Variants in PAK1 observed in about 807,000 individuals in gnomAD.
The protein encoded by PAK1 is p21 (RAC1) activated kinase 1.
PAK1 carries 29 observed loss-of-function variants against 67.4 expected under a neutral mutation model. The ratio of observed to expected loss-of-function variants is 0.43; its 90% CI spans 0.32 to 0.59. The LOEUF is 0.59. Ranked by LOEUF, PAK1 falls within the 20% of genes least tolerant of loss-of-function variation. The pLI is 0.07. For missense variants in PAK1, 337 were observed against 670.7 expected (o/e 0.50, Z 5.50); for synonymous variants, 223 against 237.4 (o/e 0.94, Z 0.56).
chr11:77,407,221 CATCATAAGAAGTCACT>C (rs1305652745), intron 1 of PAK1, among the ~76,000 whole-genome samples: 2 of 152,118 alleles, frequency 1.3e-5, no homozygotes, highest in African/African-American at 4.8e-5. Flanking sequence ...TTTTGTGTTA[CATCATAAGAAGTCACT>C]AAAAGTATCT....
intron 1 of PAK1, among the ~76,000 whole-genome samples, chr11:77,439,500 G>C (rs1366294846): frequency 1.3e-5 from 2 of 152,134 alleles, no homozygotes; most frequent in East Asian, 1.9e-4. Context: ...GTTCAAACAT[G>C]GGTTAAAGGT....
At chr11:77,509,168 G>A in the PAK1 span, among the ~76,000 whole-genome samples, 1 of 151,608 alleles carries the variant, frequency 6.6e-6, no homozygotes, top group Non-Finnish European at 1.5e-5. Flanking sequence ...TGAGGCAGGA[G>A]AATGGCGTGA....
rs539062926 is a variant in PAK1, at chr11:77,430,087, G to A, written c.-21-37546C>T. On this transcript the variant is annotated intron_variant, in intron 1 of 14. Transcript: ENST00000356341. Reference sequence around the variant, plus strand: ...ACACAGTGAAGTTAAAGGTAAGACTGAGACTAGACTCTTTCTGAACCTCAT... The same window carrying A: ...ACACAGTGAAGTTAAAGGTAAGACTAAGACTAGACTCTTTCTGAACCTCAT... Among the ~76,000 whole-genome samples, 100 of 152,296 alleles carry A rather than the reference G, an allele frequency of 6.6e-4. 1 individual carries two copies. The highest frequency in any genetic ancestry group is 2.3e-3 in the African/African-American group (97 of 41,562).
chr11:77,520,835 G>A, the PAK1 span, among the ~76,000 whole-genome samples: 2 of 152,150 alleles, frequency 1.3e-5, no homozygotes, highest in East Asian at 1.9e-4. Context: ...TAGCAAATAC[G>A]CGGGGTATGT....
In PAK1 at chr11:77,379,728, G is replaced by T. The variant is rs191222101; in HGVS notation, c.291+166C>A. ...GGAACGGAGATGGAAAGGCTTCTCT[G>T]GATACAATTTTGGCGATGAAAGTGT... On this transcript the variant is annotated intron_variant, in intron 3 of 14. Transcript: ENST00000356341. Among the ~76,000 whole-genome samples the T allele has an allele frequency of 1.4e-4, 22 of 152,242 alleles. No homozygotes were observed. The East Asian group carries it at 4.1e-3, about 28-fold the overall frequency.
At chr11:77,456,422 A>C (rs895395958) in intron 1 of PAK1, among the ~76,000 whole-genome samples, 3 of 152,204 alleles carry the variant, frequency 2.0e-5, no homozygotes, top group Non-Finnish European at 2.9e-5. Context: ...TAATTCACCA[A>C]ATATTTATTA....
intron 8 of PAK1, among the ~76,000 whole-genome samples, chr11:77,349,960 C>A (rs142595777): frequency 6.6e-6 from 1 of 151,970 alleles, no homozygotes; most frequent in African/African-American, 2.4e-5. Context: ...GTTACATAGG[C>A]GTGTTCACTT....
intron 5 of PAK1, among the ~76,000 whole-genome samples, chr11:77,371,017 A>G (rs1948356676): frequency 6.6e-6 from 1 of 152,182 alleles, no homozygotes; most frequent in South Asian, 2.1e-4. Flanking sequence ...ACTTAACACT[A>G]TATTATAAAT....
chr11:77,489,904 C>T, the PAK1 span, among the ~76,000 whole-genome samples: 1 of 152,180 alleles, frequency 6.6e-6, no homozygotes, highest in African/African-American at 2.4e-5. Context: ...CTCTGCCTGG[C>T]CGCCTATCGT....
chr11:77,330,615 A>G (rs1229529392), intron 14 of PAK1, among the ~76,000 whole-genome samples: 8 of 152,210 alleles, frequency 5.3e-5, no homozygotes, highest in Admixed American at 4.6e-4. Flanking sequence ...CCTTCCTTAC[A>G]CCTTATACAA....
intron 2 of PAK1, among the ~76,000 whole-genome samples, chr11:77,390,292 CG>C (rs1009329221): frequency 6.6e-6 from 1 of 152,164 alleles, no homozygotes; most frequent in Non-Finnish European, 1.5e-5. Context: ...CTCCGCCTCC[CG>C]GGTTCAAGTG....
chr11:77,459,691 T>C (rs1026834858), intron 1 of PAK1, among the ~76,000 whole-genome samples: 4 of 114,078 alleles, frequency 3.5e-5, no homozygotes, highest in Admixed American at 2.4e-4. Context: ...CTTCTTCTTC[T>C]TTTTTTTTTT....
At chr11:77,502,859 A>G in the PAK1 span, among the ~76,000 whole-genome samples, 1 of 152,220 alleles carries the variant, frequency 6.6e-6, no homozygotes, top group Non-Finnish European at 1.5e-5. Flanking sequence ...GAGAGATGCC[A>G]AGACAAGAAA....
upstream of PAK1, chr11:77,474,239 GGTGGAGCCGTGCCCGCCC>G (rs1958015556): frequency 6.6e-6 from 1 of 151,726 alleles, no homozygotes; most frequent in East Asian, 2.0e-4. Flanking sequence ...CTGCGGCTCC[GGTGGAGCCGTGCCCGCCC>G]CGCCTCCCGC....
the PAK1 span, among the ~76,000 whole-genome samples, chr11:77,509,908 G>C: frequency 2.0e-5 from 3 of 152,114 alleles, no homozygotes; most frequent in Non-Finnish European, 4.4e-5. Flanking sequence ...CCTCTCTTCT[G>C]TATAAGTTAC....
In PAK1 at chr11:77,379,248, G is replaced by A; in HGVS notation, c.432C>T (p.Ser144=). Reference sequence around the variant, plus strand: ...TGGACGCAGTTCTCATACCTGTAAAGCTCATGTATTTCTGGCTGTTGGATG... The same window carrying A: ...TGGACGCAGTTCTCATACCTGTAAAACTCATGTATTTCTGGCTGTTGGATG... ...KKTSNSQKYM[S]FTDKSAEDYN... Residue 144 remains serine, a synonymous_variant, in exon 4 of 15, where the codon AGC becomes AGT. Coordinates refer to ENST00000356341, the MANE Select transcript of PAK1 (RefSeq NM_002576.5). 1 of 1,612,618 alleles carries A rather than the reference G, an allele frequency of 6.2e-7. No individual in the cohort carries two copies. The highest frequency in any genetic ancestry group is 8.5e-7 in the Non-Finnish European group (1 of 1,179,254).
At chr11:77,416,809 A>G (rs967925356) in intron 1 of PAK1, among the ~76,000 whole-genome samples, 1 of 152,060 alleles carries the variant, frequency 6.6e-6, no homozygotes, top group Admixed American at 6.6e-5. Context: ...AAAAATTAGC[A>G]GGGCGTGGTG....
At chr11:77,504,493 T>C in the PAK1 span, among the ~76,000 whole-genome samples, 117 of 152,332 alleles carry the variant, frequency 7.7e-4, no homozygotes, top group South Asian at 8.3e-3. Context: ...TCTGATAAGT[T>C]TGAATATTCT....
At chr11:77,428,802 G>T (rs974979088) in intron 1 of PAK1, among the ~76,000 whole-genome samples, 1 of 151,638 alleles carries the variant, frequency 6.6e-6, no homozygotes, top group Non-Finnish European at 1.5e-5. Flanking sequence ...TCAGGAGAGA[G>T]GGGTGCCCTG....
Sources: gnomAD v4.1 joint callset for allele counts (sites outside exome capture counted in the v4.1 genomes callset) on GRCh38, gnomAD v4.1.1 for gene constraint, MANE v1.5 for transcripts, NCBI Gene and HGNC (gene_info 2026-07-23, HGNC 2026-07-21) for gene names.